The following CCM2 variants were observed in gnomAD, a reference collection of about 807,000 sequenced individuals.
The protein encoded by CCM2 is CCM2 scaffold protein, also known as cerebral cavernous malformations 2 protein.
CCM2 carries 25 observed loss-of-function variants against 44.9 expected under a neutral mutation model. The ratio of observed to expected loss-of-function variants is 0.56; its 90% CI spans 0.41 to 0.78. The LOEUF (loss-of-function observed/expected upper bound fraction) is 0.78, where lower values mean the gene tolerates loss of function less well. Among genes scored for constraint, CCM2 ranks in the 30% least tolerant of loss-of-function variants. The pLI is 0.00. For missense variants in CCM2, 481 were observed against 580.6 expected (o/e 0.83, Z 1.76); for synonymous variants, 219 against 241.1 (o/e 0.91, Z 0.85).
At chr7:45,070,829 G>A (rs74538158) in intron 6 of CCM2, 1,714 of 163,538 alleles carry the variant, frequency 0.01, 25 homozygotes, top group African/African-American at 0.038. Context: ...GAAACAGTGC[G>A]GCTTGTTGAG....
chr7:45,068,522 G>A lies in CCM2; in HGVS notation c.552G>A (p.Glu184=). The part of the protein sequence containing the change: ...SRGLSAGSLS[E]SAVGPVEACC... Reference sequence around the variant, plus strand: ...GCCTCAGTGCAGGCTCCCTGTCGGAGAGTGCAGTTGGGCCCGTGGAGGCAT... The same window carrying A: ...GCCTCAGTGCAGGCTCCCTGTCGGAAAGTGCAGTTGGGCCCGTGGAGGCAT... The change falls in exon 5 of 10, where the codon GAG becomes GAA. Residue 184 remains glutamate, a synonymous_variant. Transcript: ENST00000258781. 6.2e-7 allele frequency: 1 copy of A among 1,614,172 alleles called. No homozygotes were observed. The highest frequency in any genetic ancestry group is 8.5e-7 in the Non-Finnish European group (1 of 1,180,032).
chr7:45,073,848 C>G (rs2128752557), intron 8 of CCM2: 2 of 556,466 alleles, frequency 3.6e-6, no homozygotes, highest in Non-Finnish European at 6.4e-6. Context: ...GAACGGTGGC[C>G]CCTGCAAGGC....
intron 6 of CCM2, 129 bp downstream of exon 6, chr7:45,070,090 CCAGACTTTGCTGTT>C: frequency 8.2e-7 from 1 of 1,214,504 alleles, no homozygotes; most frequent in Non-Finnish European, 1.2e-6. Flanking sequence ...CCTTTTGTTT[CCAGACTTTGCTGTT>C]CACATTAGCC....
chr7:45,073,179 C>T, intron 7 of CCM2: 1 of 577,472 alleles, frequency 1.7e-6, no homozygotes, highest in Non-Finnish European at 3.1e-6. Flanking sequence ...AACCCTGGCT[C>T]CTTCCCCTGC....
At chr7:45,041,188 A>G (rs1253443450) in intron 2 of CCM2, among the ~76,000 whole-genome samples, 1 of 152,220 alleles carries the variant, frequency 6.6e-6, no homozygotes, top group Non-Finnish European at 1.5e-5. Context: ...AGAATAATGT[A>G]TTGAGAAGTT....
At chr7:45,046,428 T>G (rs991588831) in intron 2 of CCM2, among the ~76,000 whole-genome samples, 3 of 151,824 alleles carry the variant, frequency 2.0e-5, no homozygotes. Context: ...CAAAATGAAC[T>G]AGAAACAGAT....
At chr7:45,013,493 A>G (rs1236205505) in intron 1 of CCM2, among the ~76,000 whole-genome samples, 1 of 152,106 alleles carries the variant, frequency 6.6e-6, no homozygotes, top group Non-Finnish European at 1.5e-5. Flanking sequence ...CTGTAGACAT[A>G]ATGCCCCATG....
At chr7:45,023,561 C>T (rs79045794) in intron 1 of CCM2, among the ~76,000 whole-genome samples, 12,496 of 152,052 alleles carry the variant, frequency 0.082, 1,193 homozygotes, top group African/African-American at 0.23. Context: ...AAAAACAAAA[C>T]TAACAAAAAC....
At chr7:45,012,185 G>C (rs1200180552) in intron 1 of CCM2, among the ~76,000 whole-genome samples, 1 of 138,012 alleles carries the variant, frequency 7.2e-6, no homozygotes, top group Non-Finnish European at 1.5e-5. Flanking sequence ...CCAGGCTGCA[G>C]TGTAGTGCTA....
chr7:45,061,455 T>G (rs1018695996), intron 2 of CCM2, among the ~76,000 whole-genome samples: 4 of 147,046 alleles, frequency 2.7e-5, no homozygotes, highest in African/African-American at 7.7e-5. Context: ...TTTCTTTCTT[T>G]CTTTTTTTTT....
At chr7:45,074,906 C>G (rs1374227264) in intron 9 of CCM2, among the ~76,000 whole-genome samples, 1 of 152,198 alleles carries the variant, frequency 6.6e-6, no homozygotes, top group Non-Finnish European at 1.5e-5. Context: ...TGGCCCCACA[C>G]CTCTCAGGGG....
intron 2 of CCM2, among the ~76,000 whole-genome samples, chr7:45,058,900 A>ATTT (rs71565945): frequency 1.5e-3 from 219 of 142,582 alleles, no homozygotes; most frequent in African/African-American, 5.2e-3. Flanking sequence ...CGCCCAGCTA[A>ATTT]TTTTTTTTTT....
chr7:45,052,798 G>T (rs1279722521), intron 2 of CCM2, among the ~76,000 whole-genome samples: 1 of 152,192 alleles, frequency 6.6e-6, no homozygotes, highest in Non-Finnish European at 1.5e-5. Context: ...ATGTTTTCAA[G>T]AGCAGCATTA....
At chr7:45,008,795 A>C (rs993504933) in intron 1 of CCM2, among the ~76,000 whole-genome samples, 1 of 152,202 alleles carries the variant, frequency 6.6e-6, no homozygotes. Flanking sequence ...GCCATTAGAT[A>C]CATCACCTTT....
intron 5 of CCM2, among the ~76,000 whole-genome samples, chr7:45,069,157 A>G (rs1417086260): frequency 6.6e-6 from 1 of 152,180 alleles, no homozygotes; most frequent in African/African-American, 2.4e-5. Context: ...TAATTTCCAT[A>G]TCTGTAAAAT....
intron 5 of CCM2, 86 bp downstream of exon 5, chr7:45,068,665 A>T: frequency 6.5e-7 from 1 of 1,545,650 alleles, no homozygotes; most frequent in Non-Finnish European, 8.9e-7. Context: ...CACCCAGCAC[A>T]GTGCTGGGCA....
In CCM2 at chr7:45,073,534, C is replaced by T; in HGVS notation, c.878C>T (p.Ala293Val). ...SKTISESELSASATELLQDYM... is the reference protein window; with the variant it reads ...SKTISESELSVSATELLQDYM... Reference sequence around the variant, plus strand: ...ACCATCAGTGAGAGCGAGCTGAGCGCCAGCGCCACTGAGCTGCTGCAGGAC... The same window carrying T: ...ACCATCAGTGAGAGCGAGCTGAGCGTCAGCGCCACTGAGCTGCTGCAGGAC... Residue 293 changes from alanine (A) to valine (V), a missense_variant, in exon 8 of 10, where the codon GCC (alanine) becomes GTC (valine). Physicochemically the swap from Ala to Val is moderately conservative, Grantham distance 64. Coordinates refer to ENST00000258781, the MANE Select transcript of CCM2 (RefSeq NM_031443.4). 6.2e-7 allele frequency: 1 copy of T among 1,612,800 alleles called. No homozygotes were observed. The highest frequency in any genetic ancestry group is 1.1e-5 in the South Asian group (1 of 91,076).
intron 2 of CCM2, among the ~76,000 whole-genome samples, chr7:45,050,527 G>A (rs1797954256): frequency 6.6e-6 from 1 of 152,208 alleles, no homozygotes; most frequent in Non-Finnish European, 1.5e-5. Context: ...ACCCTCTGAG[G>A]AACGCAGTGT....
At chr7:45,037,988 A>G (rs888441068) in intron 1 of CCM2, among the ~76,000 whole-genome samples, 3 of 152,172 alleles carry the variant, frequency 2.0e-5, no homozygotes, top group Non-Finnish European at 4.4e-5. Flanking sequence ...CCTGGCTTCT[A>G]TGTGTTGTAG....
Sources: allele counts gnomAD v4.1 joint callset (sites outside exome capture counted in the v4.1 genomes callset), GRCh38; gene constraint gnomAD v4.1.1; transcripts MANE v1.5; gene names NCBI Gene and HGNC (gene_info 2026-07-23, HGNC 2026-07-21).